Variants in CXADR observed in about 807,000 individuals in gnomAD.
CXADR encodes the protein CXADR cell adhesion molecule.
A neutral mutation model predicts 40.3 loss-of-function variants in CXADR; 20 were observed. That is an observed-to-expected ratio of 0.50 (90% CI 0.35 to 0.72). The LOEUF (loss-of-function observed/expected upper bound fraction) is 0.72, where lower values mean the gene tolerates loss of function less well. Ranked by LOEUF, CXADR falls within the 30% of genes least tolerant of loss-of-function variation. CXADR has a pLI of 0.01. For missense variants in CXADR, 332 were observed against 449.1 expected (o/e 0.74, Z 2.36); for synonymous variants, 150 against 161.3 (o/e 0.93, Z 0.53).
chr21:17,515,062 A>G (rs893721986), intron 1 of CXADR, among the ~76,000 whole-genome samples: 4 of 152,216 alleles, frequency 2.6e-5, no homozygotes, highest in Admixed American at 6.5e-5. Context: ...CATAAGGTAT[A>G]CACGGGTACA....
At chr21:17,620,584 A>T in the CXADR span, among the ~76,000 whole-genome samples, 1 of 152,220 alleles carries the variant, frequency 6.6e-6, no homozygotes, top group Non-Finnish European at 1.5e-5. Flanking sequence ...AATGATGCTT[A>T]AACACTTGCT....
At chr21:17,627,663 A>G in the CXADR span, among the ~76,000 whole-genome samples, 11 of 152,224 alleles carry the variant, frequency 7.2e-5, no homozygotes, top group African/African-American at 2.7e-4. Flanking sequence ...CTTGAATACC[A>G]GAGCAAAAGG....
At chr21:17,591,636 A>G (rs17833893) in intron 7 of CXADR, among the ~76,000 whole-genome samples, 43,004 of 151,878 alleles carry the variant, frequency 0.28, 6,359 homozygotes, top group Middle Eastern at 0.34. Context: ...TTTAACCTAT[A>G]AAATTTAGAG....
At chr21:17,628,965 C>T in the CXADR span, among the ~76,000 whole-genome samples, 1 of 152,172 alleles carries the variant, frequency 6.6e-6, no homozygotes, top group African/African-American at 2.4e-5. Context: ...AAATGTTGAT[C>T]TCATCCAAAA....
the CXADR span, among the ~76,000 whole-genome samples, chr21:17,623,184 A>G: frequency 1.3e-5 from 2 of 151,976 alleles, no homozygotes; most frequent in African/African-American, 4.8e-5. Flanking sequence ...CAAGCCATCC[A>G]CCCACCTTGG....
the CXADR span, among the ~76,000 whole-genome samples, chr21:17,601,728 A>G: frequency 2.0e-5 from 3 of 152,212 alleles, no homozygotes. Context: ...CTAATATAAC[A>G]ATGACTTAGG....
chr21:17,562,087 T>C (rs1408190187), intron 6 of CXADR, among the ~76,000 whole-genome samples: 2 of 152,224 alleles, frequency 1.3e-5, no homozygotes, highest in African/African-American at 2.4e-5. Context: ...GTTATGTTTA[T>C]ACTATATTGT....
chr21:17,612,910 C>A, the CXADR span: 6 of 151,992 alleles, frequency 3.9e-5, no homozygotes, highest in Non-Finnish European at 7.4e-5. Flanking sequence ...GTGAGCGCAG[C>A]CCCAAAGCGG....
At chr21:17,595,481 T>C (rs992424133), downstream of CXADR, among the ~76,000 whole-genome samples, 5 of 151,982 alleles carry the variant, frequency 3.3e-5, no homozygotes, top group Admixed American at 2.0e-4. Flanking sequence ...TTTAGAGATA[T>C]TCTATCCACA....
At chr21:17,631,828 A>G in the CXADR span, among the ~76,000 whole-genome samples, 1 of 152,180 alleles carries the variant, frequency 6.6e-6, no homozygotes, top group South Asian at 2.1e-4. Context: ...CCACTTGATT[A>G]TGATGACAAT....
chr21:17,530,661 A>C (rs1042491253), intron 1 of CXADR, among the ~76,000 whole-genome samples: 1 of 151,860 alleles, frequency 6.6e-6, no homozygotes, highest in Non-Finnish European at 1.5e-5. Context: ...TAAAAATACA[A>C]AAATTAGCCG....
At chr21:17,591,632 C>T (rs2061435673) in intron 7 of CXADR, among the ~76,000 whole-genome samples, 1 of 151,712 alleles carries the variant, frequency 6.6e-6, no homozygotes, top group Admixed American at 6.6e-5. Flanking sequence ...CAAGTTTAAC[C>T]TATAAAATTT....
At chr21:17,591,012 T>C (rs562207193) in intron 7 of CXADR, among the ~76,000 whole-genome samples, 2 of 152,196 alleles carry the variant, frequency 1.3e-5, no homozygotes, top group South Asian at 4.1e-4. Flanking sequence ...ATAGATACTT[T>C]AATGTCTTAT....
intron 7 of CXADR, among the ~76,000 whole-genome samples, chr21:17,591,631 C>T (rs1283466467): frequency 6.6e-6 from 1 of 151,444 alleles, no homozygotes; most frequent in Non-Finnish European, 1.5e-5. Context: ...CCAAGTTTAA[C>T]CTATAAAATT....
intron 1 of CXADR, among the ~76,000 whole-genome samples, chr21:17,537,256 G>C (rs2060770381): frequency 6.6e-6 from 1 of 152,200 alleles, no homozygotes; most frequent in Admixed American, 6.5e-5. Flanking sequence ...CAATCTCACT[G>C]TTGTGGTTCA....
chr21:17,569,073 A>C lies in CXADR; in HGVS notation c.*3381A>C. On this transcript the variant is annotated 3_prime_UTR_variant, in exon 7 of 7. Transcript: ENST00000284878. ...AAGTAAACCTTTTGATGAAATATAA[A>C]AGGAACTCATTGCATGAAGTTGACT... is the stretch of plus-strand genomic sequence containing the variant. 1 of 985,436 alleles carries C rather than the reference A, an allele frequency of 1.0e-6. No homozygotes were observed. The highest frequency in any genetic ancestry group is 1.2e-6 in the Non-Finnish European group (1 of 829,932). 61.0% of individuals were successfully genotyped at this position (985,436 alleles called of 1,614,324 possible).
the CXADR span, among the ~76,000 whole-genome samples, chr21:17,616,214 C>T: frequency 6.6e-6 from 1 of 150,906 alleles, no homozygotes; most frequent in Non-Finnish European, 1.5e-5. Context: ...TCATCGTGCT[C>T]TGCACTCCAG....
intron 1 of CXADR, among the ~76,000 whole-genome samples, chr21:17,530,223 C>G (rs1246299354): frequency 6.6e-6 from 1 of 151,100 alleles, no homozygotes; most frequent in Non-Finnish European, 1.5e-5. Flanking sequence ...CCTCGGCCTC[C>G]CAAAGTGCTG....
the CXADR span, among the ~76,000 whole-genome samples, chr21:17,609,803 C>A: frequency 6.6e-6 from 1 of 152,052 alleles, no homozygotes; most frequent in Non-Finnish European, 1.5e-5. Context: ...GTTATACACA[C>A]GTATGGAATA....
Sources: gnomAD v4.1 joint callset for allele counts (sites outside exome capture counted in the v4.1 genomes callset) on GRCh38, gnomAD v4.1.1 for gene constraint, MANE v1.5 for transcripts, NCBI Gene and HGNC (gene_info 2026-07-23, HGNC 2026-07-21) for gene names.